CARD8: variants seen among roughly 807,000 people sequenced by gnomAD.
CARD8 encodes caspase recruitment domain-containing protein 8.
A neutral mutation model predicts 53.2 loss-of-function variants in CARD8; 38 were observed. The ratio of observed to expected loss-of-function variants is 0.71; its 90% CI spans 0.55 to 0.94. CARD8 has a LOEUF of 0.94. Ranked by LOEUF, CARD8 falls within the 40% of genes least tolerant of loss-of-function variation. CARD8 has a pLI of 0.00. For missense variants in CARD8, 561 were observed against 655.5 expected (o/e 0.86, Z 1.57); for synonymous variants, 245 against 244.9 (o/e 1.00, Z 0.00).
intron 10 of CARD8, among the ~76,000 whole-genome samples, chr19:48,224,064 C>T (rs949469867): frequency 5.9e-5 from 9 of 152,238 alleles, no homozygotes; most frequent in Admixed American, 5.2e-4. Context: ...CAGGTTCAAG[C>T]GATTCTCCTG....
chr19:48,223,164 C>T (rs990090022), intron 10 of CARD8, among the ~76,000 whole-genome samples: 2 of 151,770 alleles, frequency 1.3e-5, no homozygotes, highest in South Asian at 2.1e-4. Context: ...ATTAGCTGGG[C>T]GTGGTGGTGA....
At chr19:48,221,008 A>AAAAGAAAGAAAG (rs150900973) in intron 11 of CARD8, among the ~76,000 whole-genome samples, 1 of 122,040 alleles carries the variant, frequency 8.2e-6, no homozygotes, top group Non-Finnish European at 1.6e-5. Flanking sequence ...GAAAGAAAGA[A>AAAAGAAAGAAAG]AAAGAAAGAA....
chr19:48,214,789 T>C (rs2038896425), intron 13 of CARD8, among the ~76,000 whole-genome samples: 1 of 127,136 alleles, frequency 7.9e-6, no homozygotes, highest in African/African-American at 3.1e-5. Context: ...TTTTTTTTTT[T>C]TTTTTTTTTT....
intron 6 of CARD8, 29 bp downstream of exon 6, chr19:48,234,374 T>C (rs181242527): frequency 2.5e-6 from 4 of 1,595,818 alleles, no homozygotes; most frequent in South Asian, 2.2e-5. Context: ...CAGCGTCCAA[T>C]AGTTTTCCAA....
chr19:48,234,413 C>G lies in CARD8; in HGVS notation c.340G>C (p.Asp114His), dbSNP rs1484995643. The change falls in exon 6 of 14, where the codon GAC becomes CAC. Residue 114 changes from aspartate to histidine, a missense_variant. Transcript: ENST00000651546. ...AATAGCTTTTCTTACCTGGGAATGT[C>G]CCCCCCAGATAGTTGACACTCAGGA... is the stretch of plus-strand genomic sequence containing the variant. ...AVPECQLSGGDIPSVSEEQES... is the reference protein window; with the variant it reads ...AVPECQLSGGHIPSVSEEQES... 1 of 1,605,960 alleles carries G rather than the reference C, an allele frequency of 6.2e-7. No individual in the cohort carries two copies. Among genetic ancestry groups the G allele is most frequent in the South Asian group, 1.1e-5 (1 of 90,120 alleles).
chr19:48,232,125 C>T, intron 7 of CARD8: 1 of 547,116 alleles, frequency 1.8e-6, no homozygotes. Context: ...TCCGAAATAG[C>T]AGAAGACACT....
At chr19:48,204,679 A>G (rs1398802653), downstream of CARD8, among the ~76,000 whole-genome samples, 1 of 152,162 alleles carries the variant, frequency 6.6e-6, no homozygotes, top group Admixed American at 6.5e-5. Flanking sequence ...GGGGAGGTAT[A>G]AGAAAAGGGG....
At chr19:48,241,154 C>T (rs576314679) in intron 3 of CARD8, 91 bp from the exon 4 acceptor site, 3 of 711,088 alleles carry the variant, frequency 4.2e-6, no homozygotes, top group South Asian at 3.5e-5. Context: ...TTGACAAAAG[C>T]GCTTATTGCT....
chr19:48,220,972 A>AGGAAGGAAGGAC (rs2040432872), intron 11 of CARD8, among the ~76,000 whole-genome samples: 1 of 92,640 alleles, frequency 1.1e-5, no homozygotes, highest in Non-Finnish European at 2.3e-5. Context: ...GAAGGAAGGA[A>AGGAAGGAAGGAC]GGAAGGAAGG....
chr19:48,243,199 G>A (rs1407594086), intron 3 of CARD8, among the ~76,000 whole-genome samples: 3 of 152,078 alleles, frequency 2.0e-5, no homozygotes, highest in Admixed American at 1.3e-4. Flanking sequence ...ATTTTTAGTA[G>A]AGACGGGGTT....
intron 3 of CARD8, among the ~76,000 whole-genome samples, chr19:48,249,056 G>A (rs943879681): frequency 6.6e-6 from 1 of 152,070 alleles, no homozygotes; most frequent in African/African-American, 2.4e-5. Flanking sequence ...AATTAGTCGT[G>A]CGTGGTGGCG....
chr19:48,239,300 A>C (rs1312423173), intron 4 of CARD8, among the ~76,000 whole-genome samples: 1 of 152,138 alleles, frequency 6.6e-6, no homozygotes, highest in African/African-American at 2.4e-5. Context: ...CAGCTTTCTA[A>C]TTTGTAAAAT....
rs2037654375 is a variant in CARD8, at chr19:48,209,267, G to A, written c.*2443C>T. ...GCTGAGATCGCACCACTGCACTCCA[G>A]CCTGGGTAACAGAGTTGAGACCCTG... On this transcript the variant is annotated 3_prime_UTR_variant, in exon 14 of 14. Transcript: ENST00000651546. 6.6e-6 allele frequency: 1 copy of A among 151,928 alleles called. No individual in the cohort carries two copies. The highest frequency in any genetic ancestry group is 2.4e-5 in the African/African-American group (1 of 41,362). 9.4% of individuals were successfully genotyped at this position (151,928 alleles called of 1,614,324 possible).
downstream of CARD8, chr19:48,208,028 A>G (rs1272137593): frequency 6.6e-6 from 1 of 152,102 alleles, no homozygotes; most frequent in African/African-American, 2.4e-5. Context: ...GAGCCACTGC[A>G]TCCGGCCTTC....
At chr19:48,204,246 G>GA (rs1369150455), downstream of CARD8, 8 of 453,118 alleles carry the variant, frequency 1.8e-5, no homozygotes, top group Non-Finnish European at 3.1e-5. Flanking sequence ...CAGTAACCCT[G>GA]GAGTGGAAGG....
rs945544090 is a variant in CARD8, at chr19:48,212,020, C to G, written c.1349-45G>C. 1.7e-5 allele frequency: 26 copies of G among 1,573,024 alleles called. No individual in the cohort carries two copies. In the East Asian group the frequency reaches 4.7e-4, roughly 28 times the overall value. The stretch of plus-strand genomic sequence containing the variant: ...TCAGACTTTGAGAATCGTTCACTTA[C>G]AGGATTCAGGATCTATACCAAGCTT... On this transcript the variant is annotated intron_variant, in intron 13 of 13. Transcript: ENST00000651546.
At chr19:48,225,415 C>G (rs1390768605) in intron 10 of CARD8, among the ~76,000 whole-genome samples, 3 of 152,036 alleles carry the variant, frequency 2.0e-5, no homozygotes, top group African/African-American at 7.2e-5. Context: ...CGCTTGAACC[C>G]GGTAGGCAGA....
At chr19:48,220,954 A>AAGGAAGG (rs10638078) in intron 11 of CARD8, among the ~76,000 whole-genome samples, 17,665 of 100,774 alleles carry the variant, frequency 0.18, 2,428 homozygotes, top group Middle Eastern at 0.22. Context: ...AAAGGAAAGG[A>AAGGAAGG]AAGGAAGGAA....
At chr19:48,247,860 A>C (rs1221767473) in intron 3 of CARD8, among the ~76,000 whole-genome samples, 2 of 151,826 alleles carry the variant, frequency 1.3e-5, no homozygotes, top group East Asian at 3.9e-4. Flanking sequence ...TTAACATTAA[A>C]ATACACATGA....
Sources: gnomAD v4.1 joint callset for allele counts (sites outside exome capture counted in the v4.1 genomes callset) on GRCh38, gnomAD v4.1.1 for gene constraint, MANE v1.5 for transcripts, NCBI Gene and HGNC (gene_info 2026-07-23, HGNC 2026-07-21) for gene names.